The following FHIT variants were observed in gnomAD, a reference collection of about 807,000 sequenced individuals.
The protein encoded by FHIT is fragile histidine triad diadenosine triphosphatase, also known as bis(5'-adenosyl)-triphosphatase.
FHIT carries 19 observed loss-of-function variants against 17.9 expected under a neutral mutation model. The observed-to-expected ratio is 1.06, with a 90% CI of 0.74 to 1.56. The LOEUF (loss-of-function observed/expected upper bound fraction) is 1.56, where lower values mean the gene tolerates loss of function less well. FHIT is among the 40% of genes most tolerant of loss of function. FHIT has a pLI of 0.00. For missense variants in FHIT, 248 were observed against 189.2 expected, an observed-to-expected ratio of 1.31 and a Z score of -1.82; for synonymous variants, 81 against 69.7, an observed-to-expected ratio of 1.16 and a Z score of -0.81.
intron 4 of FHIT, among the ~76,000 whole-genome samples, chr3:60,538,841 G>A (rs1466511721): frequency 6.6e-6 from 1 of 152,174 alleles, no homozygotes; most frequent in Middle Eastern, 3.4e-3. Context: ...AAAAACCCTA[G>A]AAGAAAACCT....
intron 5 of FHIT, among the ~76,000 whole-genome samples, chr3:60,394,600 G>C (rs1701360801): frequency 6.6e-6 from 1 of 152,160 alleles, no homozygotes. Flanking sequence ...ATGCACCATG[G>C]TCTTCTGAAG....
intron 3 of FHIT, among the ~76,000 whole-genome samples, chr3:60,868,023 C>T (rs1223460117): frequency 2.0e-5 from 3 of 152,094 alleles, no homozygotes; most frequent in Non-Finnish European, 2.9e-5. Context: ...AATGACAAAC[C>T]TGTGTGCTCA....
intron 5 of FHIT, among the ~76,000 whole-genome samples, chr3:60,025,745 AAAAAG>A (rs993378442): frequency 6.6e-6 from 1 of 152,104 alleles, no homozygotes; most frequent in Non-Finnish European, 1.5e-5. Flanking sequence ...AAAAAAAAAA[AAAAAG>A]AGAGAGTGAA....
intron 5 of FHIT, among the ~76,000 whole-genome samples, chr3:60,274,753 T>C (rs1211430853): frequency 2.0e-5 from 3 of 152,272 alleles, no homozygotes; most frequent in East Asian, 1.9e-4. Flanking sequence ...AAAACACATC[T>C]TTAAGAGAGA....
chr3:59,968,460 CA>C (rs561143134), intron 7 of FHIT, among the ~76,000 whole-genome samples: 4 of 149,916 alleles, frequency 2.7e-5, no homozygotes, highest in Non-Finnish European at 4.4e-5. Context: ...AAAAAAGACA[CA>C]AAAAGGAAAA....
chr3:60,419,281 T>G (rs1288146182), intron 5 of FHIT, among the ~76,000 whole-genome samples: 1 of 152,232 alleles, frequency 6.6e-6, no homozygotes, highest in Admixed American at 6.5e-5. Flanking sequence ...CCTTAGCAAG[T>G]GTCGTCAACA....
At position 60,819,624 on chromosome 3, in the gene FHIT, C is replaced by T. The variant is rs542054646; in HGVS notation, c.-18+2295G>A. 3.3e-5 allele frequency among the ~76,000 whole-genome samples: 5 copies of T among 152,286 alleles called. 1 individual carries two copies. The South Asian group carries it at 1.0e-3, about 32-fold the overall frequency. On this transcript the variant is annotated intron_variant, in intron 4 of 9. Coordinates refer to ENST00000492590, the MANE Select transcript of FHIT (RefSeq NM_002012.4). ...ATCATAATCATTATGGCTTCCACTT[C>T]TTGAAAGCTTCTGTATACCAGCCAC...
intron 2 of FHIT, among the ~76,000 whole-genome samples, chr3:61,175,106 T>C (rs1402326841): frequency 6.6e-6 from 1 of 152,032 alleles, no homozygotes; most frequent in Non-Finnish European, 1.5e-5. Flanking sequence ...GTTTACATGC[T>C]CTTATTGTGG....
At chr3:61,075,907 GC>G (rs1454957697) in intron 2 of FHIT, among the ~76,000 whole-genome samples, 2 of 152,022 alleles carry the variant, frequency 1.3e-5, no homozygotes, top group Non-Finnish European at 2.9e-5. Flanking sequence ...AATACAAACA[GC>G]AATAATACAA....
rs139585757 is a variant in FHIT at position 61,133,498 on chromosome 3, A to G, written c.-164+67119T>C. Among the ~76,000 whole-genome samples, 126 of 152,350 alleles carry G rather than the reference A, an allele frequency of 8.3e-4. No individual in the cohort carries two copies. The Middle Eastern group carries it at 0.01, about 12-fold the overall frequency. Reference sequence around the variant, plus strand: ...TAGGGAGAAGAAAATGAATTCCAGAATAAACAAGGTAAATTGGAAAAATCT... The same window carrying G: ...TAGGGAGAAGAAAATGAATTCCAGAGTAAACAAGGTAAATTGGAAAAATCT... On this transcript the variant is annotated intron_variant, in intron 2 of 9. Transcript: ENST00000492590.
Position 60,803,826 on chromosome 3 carries a change from A to G in FHIT, c.-18+18093T>C, listed in dbSNP as rs900772014. ...GGACCCAGTTTCTCGCTGAATGCCA[A>G]CTCAGCCAGCTGGCACCGAACAGGC... On this transcript the variant is annotated intron_variant, in intron 4 of 9. Coordinates refer to ENST00000492590, the MANE Select transcript of FHIT (RefSeq NM_002012.4). Among the ~76,000 whole-genome samples the G allele has an allele frequency of 2.0e-5, 3 of 152,022 alleles. No individual in the cohort carries two copies. The East Asian group carries it at 5.8e-4, about 29-fold the overall frequency.
intron 8 of FHIT, among the ~76,000 whole-genome samples, chr3:59,774,304 T>C (rs972794): frequency 0.012 from 1,779 of 152,328 alleles, 37 homozygotes; most frequent in African/African-American, 0.04. Flanking sequence ...CTGAATAGCC[T>C]GAAGAGCTTA....
chr3:59,929,888 C>T (rs1403280778), intron 7 of FHIT, among the ~76,000 whole-genome samples: 1 of 150,786 alleles, frequency 6.6e-6, no homozygotes, highest in South Asian at 2.1e-4. Flanking sequence ...TCTCAATTGC[C>T]CCAGACAAAA....
intron 5 of FHIT, among the ~76,000 whole-genome samples, chr3:60,504,670 TAACAA>T (rs766249707): frequency 1.9e-4 from 29 of 152,224 alleles, no homozygotes; most frequent in Admixed American, 3.9e-4. Context: ...AGAAAGTGAT[TAACAA>T]AATAAGAAAA....
chr3:60,219,484 T>C (rs1463307630), intron 5 of FHIT, among the ~76,000 whole-genome samples: 1 of 152,142 alleles, frequency 6.6e-6, no homozygotes, highest in Non-Finnish European at 1.5e-5. Flanking sequence ...AGTTATTGGG[T>C]CTGACATCCT....
intron 4 of FHIT, among the ~76,000 whole-genome samples, chr3:60,562,053 G>T (rs376378133): frequency 1.3e-5 from 2 of 152,092 alleles, no homozygotes; most frequent in African/African-American, 4.8e-5. Context: ...CTTTCCCTAT[G>T]TTTGAGTTCT....
At chr3:61,213,443 C>T (rs1236113005) in intron 1 of FHIT, among the ~76,000 whole-genome samples, 1 of 152,174 alleles carries the variant, frequency 6.6e-6, no homozygotes, top group East Asian at 1.9e-4. Context: ...ATCAATTCAA[C>T]AAGTAGAGCT....
chr3:60,781,277 C>T (rs1700380195), intron 4 of FHIT, among the ~76,000 whole-genome samples: 1 of 152,100 alleles, frequency 6.6e-6, no homozygotes, highest in Non-Finnish European at 1.5e-5. Flanking sequence ...ATTCTTTTAC[C>T]AATGAGCTTA....
chr3:60,277,899 A>G (rs893975847), intron 5 of FHIT, among the ~76,000 whole-genome samples: 1 of 152,200 alleles, frequency 6.6e-6, no homozygotes, highest in African/African-American at 2.4e-5. Context: ...GCAATTTGCA[A>G]CAAGAAAAAT....
Sources: gnomAD v4.1 joint callset for allele counts (sites outside exome capture counted in the v4.1 genomes callset) on GRCh38, gnomAD v4.1.1 for gene constraint, MANE v1.5 for transcripts, NCBI Gene and HGNC (gene_info 2026-07-23, HGNC 2026-07-21) for gene names.